Variants in CD200R1L observed in about 807,000 individuals in gnomAD.
CD200R1L encodes cell surface glycoprotein CD200 receptor 2.
In CD200R1L, 14 loss-of-function variants were observed where a neutral mutation model predicts 24.8. The ratio of observed to expected loss-of-function variants is 0.56; its 90% CI spans 0.37 to 0.88. The LOEUF is 0.88. Ranked by LOEUF, CD200R1L falls within the 40% of genes least tolerant of loss-of-function variation. The pLI is 0.00. For missense variants in CD200R1L, 299 were observed against 297.8 expected (o/e 1.00, Z -0.03); for synonymous variants, 111 against 109.2 (o/e 1.02, Z -0.11).
At chr3:112,841,431 A>C (rs571442166) in intron 2 of CD200R1L, 30 of 283,756 alleles carry the variant, frequency 1.1e-4, no homozygotes, top group African/African-American at 6.5e-4. Context: ...AGAATGAACT[A>C]ATACATGGTT....
At chr3:112,816,272 T>C (rs750653170) in intron 7 of CD200R1L, among the ~76,000 whole-genome samples, 1 of 152,148 alleles carries the variant, frequency 6.6e-6, no homozygotes, top group Non-Finnish European at 1.5e-5. Flanking sequence ...TGGCTGACTA[T>C]TGCATCTTCT....
At position 112,827,205 on chromosome 3, in the gene CD200R1L, A is replaced by G. The variant is rs1176144382; in HGVS notation, c.404T>C (p.Ile135Thr). ...TGTAACTGCCTTGCATACTGCAGTT[A>G]TATTCCTGCTTTGAAATAGGTTCAC... is the stretch of plus-strand genomic sequence containing the variant. ...PEVNLFQSRN[I>T]TAVCKAVTGK... is the part of the protein sequence containing the mutation. The change falls in exon 6 of 8, where the codon ATA becomes ACA. Residue 135 changes from isoleucine to threonine, a missense_variant. Physicochemically the swap from Ile to Thr is moderately conservative, Grantham distance 89. Coordinates refer to ENST00000488794, the MANE Select transcript of CD200R1L (RefSeq NM_001199215.3). 3 of 1,613,350 alleles carry G rather than the reference A, an allele frequency of 1.9e-6. No homozygotes were observed. Among genetic ancestry groups the G allele is most frequent in the South Asian group, 1.1e-5 (1 of 90,956 alleles).
intron 3 of CD200R1L, among the ~76,000 whole-genome samples, chr3:112,837,082 A>G (rs893068229): frequency 2.0e-5 from 3 of 152,208 alleles, no homozygotes; most frequent in South Asian, 2.1e-4. Context: ...CATGTTTTCT[A>G]TCTCATCTTG....
chr3:112,823,739 T>C (rs1938596672), intron 6 of CD200R1L, among the ~76,000 whole-genome samples: 1 of 152,136 alleles, frequency 6.6e-6, no homozygotes, highest in South Asian at 2.1e-4. Context: ...AACGAAGTCT[T>C]AAAACTTCAA....
intron 2 of CD200R1L, chr3:112,841,281 C>A (rs2107353388): frequency 2.2e-6 from 1 of 451,800 alleles, no homozygotes; most frequent in South Asian, 1.6e-5. Context: ...GCTTGCTTCC[C>A]CTTCACATTT....
chr3:112,832,338 T>C (rs974913193), intron 3 of CD200R1L, among the ~76,000 whole-genome samples: 3 of 152,226 alleles, frequency 2.0e-5, no homozygotes, highest in Non-Finnish European at 4.4e-5. Context: ...CACAGACTTA[T>C]ACAGTGGTGA....
intron 3 of CD200R1L, among the ~76,000 whole-genome samples, chr3:112,833,895 C>T (rs1163880625): frequency 6.6e-6 from 1 of 152,164 alleles, no homozygotes; most frequent in Non-Finnish European, 1.5e-5. Flanking sequence ...ATGAAAAACA[C>T]TCAAGTAAGA....
rs11391916 is a variant in CD200R1L, at chr3:112,830,498, GTTTTTTTT to G, written c.-17-1122_-17-1115del. ...CCTACGTTATACTCTTGTCATTGCA[GTTTTTTTT>G]TTTTTTTTTTTTGCATTGTCTCATT... On this transcript the variant is annotated intron_variant, in intron 3 of 7. Transcript: ENST00000488794. Among the ~76,000 whole-genome samples, 9 of 102,038 alleles carry G rather than the reference GTTTTTTTT, an allele frequency of 8.8e-5. No homozygotes were observed. The Admixed American group carries it at 8.9e-4, about 10-fold the overall frequency. 66.9% of individuals were successfully genotyped at this position (102,038 alleles called of 152,430 possible). A position where few individuals can be genotyped will look rare whatever the true frequency, so the allele number is the denominator to read the frequency against.
intron 2 of CD200R1L, among the ~76,000 whole-genome samples, chr3:112,845,046 C>T (rs1438804010): frequency 6.6e-6 from 1 of 151,896 alleles, no homozygotes; most frequent in Non-Finnish European, 1.5e-5. Flanking sequence ...CAGAGCAGAA[C>T]TGAATGAAAT....
At position 112,845,757 on chromosome 3, in the gene CD200R1L, T is replaced by A. The variant is rs753911527; in HGVS notation, c.-165A>T. On this transcript the variant is annotated 5_prime_UTR_variant, in exon 2 of 8. An upstream open reading frame in the 5' UTR loses its in-frame stop. Transcript: ENST00000488794. ...AAAGTATGCTTTTGGAGTGGTTTTCTACTTAAACATAAATCCACTTTAAAT... is the reference window on the plus strand; with the variant it reads ...AAAGTATGCTTTTGGAGTGGTTTTCAACTTAAACATAAATCCACTTTAAAT... The A allele has an allele frequency of 3.8e-6, 6 of 1,571,762 alleles. No individual in the cohort carries two copies. The South Asian group carries it at 5.6e-5, about 15-fold the overall frequency.
chr3:112,825,471 CTAAT>C (rs1197834447), intron 6 of CD200R1L, among the ~76,000 whole-genome samples: 2 of 149,454 alleles, frequency 1.3e-5, no homozygotes, highest in East Asian at 1.9e-4. Context: ...TACAAAGAAG[CTAAT>C]TAAGTGAACA....
At chr3:112,817,044 G>A (rs1938412229) in intron 7 of CD200R1L, among the ~76,000 whole-genome samples, 1 of 152,072 alleles carries the variant, frequency 6.6e-6, no homozygotes, top group Non-Finnish European at 1.5e-5. Flanking sequence ...TTTATTAGCA[G>A]CATGAGAACA....
intron 6 of CD200R1L, among the ~76,000 whole-genome samples, chr3:112,825,653 C>G (rs1938640079): frequency 6.6e-6 from 1 of 151,678 alleles, no homozygotes; most frequent in Admixed American, 6.6e-5. Flanking sequence ...GAGTAGAAGC[C>G]AAGAGTTAAT....
At chr3:112,820,091 G>A (rs916987711) in intron 6 of CD200R1L, among the ~76,000 whole-genome samples, 196 bp from the exon 7 acceptor site, 1 of 152,196 alleles carries the variant, frequency 6.6e-6, no homozygotes, top group African/African-American at 2.4e-5. Flanking sequence ...CCATGTTTGT[G>A]TTTTGTACAT....
chr3:112,830,993 G>T (rs62263726), intron 3 of CD200R1L, among the ~76,000 whole-genome samples: 8,016 of 152,196 alleles, frequency 0.053, 301 homozygotes, highest in Middle Eastern at 0.071. Context: ...CCATCTCCTT[G>T]GTTGGGGAAG....
rs1298584069 is a variant in CD200R1L, at chr3:112,846,711, T to A, written c.-445A>T. On this transcript the variant is annotated 5_prime_UTR_variant, in exon 1 of 8. Coordinates refer to ENST00000488794, the MANE Select transcript of CD200R1L (RefSeq NM_001199215.3). ...CATGCTGAAATAGATTGGTCCCTAA[T>A]CCAATATGACTGGCGTCTTTGGTTT... The A allele has an allele frequency of 6.6e-6, 1 of 152,238 alleles. No individual in the cohort carries two copies. The highest frequency in any genetic ancestry group is 2.4e-5 in the African/African-American group (1 of 41,462). The allele number at this position is 152,238 out of a possible 1,614,324, so 9.4% of individuals were successfully genotyped here.
At chr3:112,829,236 C>T (rs1938738626) in intron 4 of CD200R1L, 83 bp downstream of exon 4, 3 of 1,089,494 alleles carry the variant, frequency 2.8e-6, no homozygotes, top group Admixed American at 1.8e-5. Context: ...AGGCTGGCCT[C>T]CAGCCAGGCC....
At chr3:112,829,666 C>G (rs1938749736) in intron 3 of CD200R1L, 1 of 399,950 alleles carries the variant, frequency 2.5e-6, no homozygotes, top group Admixed American at 6.4e-5. Context: ...ATGCCTCCCC[C>G]TATTCCTCCT....
intron 3 of CD200R1L, among the ~76,000 whole-genome samples, chr3:112,834,715 C>T (rs1938891450): frequency 6.6e-6 from 1 of 152,204 alleles, no homozygotes; most frequent in Admixed American, 6.5e-5. Context: ...GGCCTGGATC[C>T]CACATCTGCC....
Sources: gnomAD v4.1 joint callset for allele counts (sites outside exome capture counted in the v4.1 genomes callset) on GRCh38, gnomAD v4.1.1 for gene constraint, MANE v1.5 for transcripts, NCBI Gene and HGNC (gene_info 2026-07-23, HGNC 2026-07-21) for gene names.